Variants in SLC35F3 observed in about 807,000 individuals in gnomAD.
SLC35F3 encodes solute carrier family 35 member F3.
SLC35F3 carries 25 observed loss-of-function variants against 49.9 expected under a neutral mutation model. That is an observed-to-expected ratio of 0.50 (90% CI 0.37 to 0.70). The LOEUF (loss-of-function observed/expected upper bound fraction) is 0.70. SLC35F3 is among the 30% of genes least tolerant of loss of function. The pLI, the probability that SLC35F3 is intolerant of heterozygous loss-of-function variation, is 0.00. For missense variants in SLC35F3, 525 were observed against 639.8 expected, an observed-to-expected ratio of 0.82 and a Z score of 1.94; for synonymous variants, 275 against 265.4, an observed-to-expected ratio of 1.04 and a Z score of -0.35.
chr1:234,238,258 C>T (rs1166513500), intron 3 of SLC35F3, among the ~76,000 whole-genome samples: 2 of 152,150 alleles, frequency 1.3e-5, no homozygotes, highest in African/African-American at 4.8e-5. Context: ...AAATACCATG[C>T]CCCATACACA....
chr1:234,087,516 A>T (rs1439164892), intron 2 of SLC35F3, among the ~76,000 whole-genome samples: 1 of 152,112 alleles, frequency 6.6e-6, no homozygotes, highest in Non-Finnish European at 1.5e-5. Context: ...GTTCAACATC[A>T]CCCAACCAAG....
chr1:234,082,009 C>T (rs1664885333), intron 2 of SLC35F3, among the ~76,000 whole-genome samples: 1 of 149,034 alleles, frequency 6.7e-6, no homozygotes, highest in African/African-American at 2.5e-5. Context: ...CCCACCTCGG[C>T]CTCCCTAAGT....
intron 2 of SLC35F3, among the ~76,000 whole-genome samples, chr1:234,112,551 A>T (rs1313991253): frequency 8.1e-6 from 1 of 122,740 alleles, no homozygotes; most frequent in African/African-American, 2.6e-5. Context: ...TTTATAATTC[A>T]CACTCTTTTT....
intron 2 of SLC35F3, among the ~76,000 whole-genome samples, chr1:234,224,913 T>C (rs1364726218): frequency 1.3e-5 from 2 of 152,244 alleles, no homozygotes; most frequent in African/African-American, 4.8e-5. Context: ...TTCTCCATAC[T>C]ATCTCCTTTT....
intron 2 of SLC35F3, among the ~76,000 whole-genome samples, chr1:234,141,588 A>G (rs180808106): frequency 7.9e-5 from 12 of 152,220 alleles, no homozygotes; most frequent in East Asian, 5.8e-4. Context: ...TCTGATATCT[A>G]TCCTCCTAAC....
In SLC35F3 at chr1:234,012,848, A is replaced by C. The variant is rs189446295; in HGVS notation, c.283+107090A>C. On this transcript the variant is annotated intron_variant, in intron 2 of 7. Coordinates refer to ENST00000366618, the MANE Select transcript of SLC35F3 (RefSeq NM_173508.4). ...ACCTAAATATACAAAGCAAATATTA[A>C]AGGATCTGAAGGAAGAGATAGACTC... Among the ~76,000 whole-genome samples the C allele has an allele frequency of 1.2e-3, 184 of 152,346 alleles. 1 individual carries two copies. Among genetic ancestry groups the C allele is most frequent in the Admixed American group, 3.8e-3 (58 of 15,306 alleles).
chr1:234,013,320 AACTT>A (rs1663753380), intron 2 of SLC35F3, among the ~76,000 whole-genome samples: 1 of 152,156 alleles, frequency 6.6e-6, no homozygotes, highest in Admixed American at 6.5e-5. Context: ...AGGATGCAAA[AACTT>A]ACAGGATGCA....
chr1:234,237,879 A>AT (rs1205611621), intron 3 of SLC35F3, among the ~76,000 whole-genome samples: 5 of 152,000 alleles, frequency 3.3e-5, no homozygotes, highest in East Asian at 1.9e-4. Context: ...GTATTAAATA[A>AT]TTTTTGTAGA....
chr1:234,238,577 T>A (rs891517469), intron 3 of SLC35F3, among the ~76,000 whole-genome samples: 1 of 152,194 alleles, frequency 6.6e-6, no homozygotes, highest in African/African-American at 2.4e-5. Flanking sequence ...ATCATTGTGG[T>A]ATTCATAGAT....
At chr1:234,068,240 T>C (rs868507992) in intron 2 of SLC35F3, among the ~76,000 whole-genome samples, 24 of 152,212 alleles carry the variant, frequency 1.6e-4, no homozygotes, top group African/African-American at 5.3e-4. Context: ...TGGGATTCAA[T>C]GCGAAAAATT....
intron 2 of SLC35F3, among the ~76,000 whole-genome samples, chr1:234,145,476 T>G (rs1359744327): frequency 6.6e-6 from 1 of 152,166 alleles, no homozygotes; most frequent in Non-Finnish European, 1.5e-5. Context: ...AGTCTATTGC[T>G]TCTCTTCATT....
intron 2 of SLC35F3, among the ~76,000 whole-genome samples, chr1:234,208,464 G>A (rs1348350153): frequency 1.3e-5 from 2 of 152,166 alleles, no homozygotes; most frequent in Admixed American, 1.3e-4. Flanking sequence ...GCCCAACATA[G>A]CTACCCTCTT....
chr1:233,970,350 G>A (rs1173453800), intron 2 of SLC35F3, among the ~76,000 whole-genome samples: 1 of 152,178 alleles, frequency 6.6e-6, no homozygotes, highest in Non-Finnish European at 1.5e-5. Context: ...CACAGCCTGA[G>A]GATGGATCAG....
intron 2 of SLC35F3, among the ~76,000 whole-genome samples, chr1:234,043,506 T>G (rs1664251717): frequency 6.6e-6 from 1 of 152,234 alleles, no homozygotes; most frequent in Non-Finnish European, 1.5e-5. Flanking sequence ...ACGTCTGGCA[T>G]GCTCAAAGAC....
At chr1:234,259,650 G>T (rs934495323) in intron 3 of SLC35F3, among the ~76,000 whole-genome samples, 4 of 151,722 alleles carry the variant, frequency 2.6e-5, no homozygotes, top group Non-Finnish European at 4.4e-5. Context: ...CTCCGGCCTG[G>T]GTGACAAAGC....
At chr1:234,296,551 T>A (rs941163000) in intron 3 of SLC35F3, among the ~76,000 whole-genome samples, 1 of 152,210 alleles carries the variant, frequency 6.6e-6, no homozygotes, top group African/African-American at 2.4e-5. Flanking sequence ...CAGACATAAA[T>A]GGAGGCTGTC....
chr1:234,196,405 C>G (rs1046587831), intron 2 of SLC35F3, among the ~76,000 whole-genome samples: 3 of 152,232 alleles, frequency 2.0e-5, no homozygotes, highest in African/African-American at 7.2e-5. Flanking sequence ...GCTGCTGCTG[C>G]TGTACACTCT....
chr1:233,912,285 C>A (rs7545532), intron 2 of SLC35F3, among the ~76,000 whole-genome samples: 58,984 of 151,890 alleles, frequency 0.39, 13,104 homozygotes, highest in Non-Finnish European at 0.49. Flanking sequence ...CAATACCAGC[C>A]TGGCCAAGAT....
intron 2 of SLC35F3, among the ~76,000 whole-genome samples, chr1:234,162,381 C>CAAAAAA (rs147145054): frequency 3.4e-5 from 2 of 58,546 alleles, no homozygotes; most frequent in African/African-American, 6.3e-5. Flanking sequence ...AGCCTCTGTG[C>CAAAAAA]AAAAAAAAAA....
Sources: allele counts gnomAD v4.1 joint callset (sites outside exome capture counted in the v4.1 genomes callset), GRCh38; gene constraint gnomAD v4.1.1; transcripts MANE v1.5; gene names NCBI Gene and HGNC (gene_info 2026-07-23, HGNC 2026-07-21).